The following KIAA0586 variants were observed in gnomAD, a reference collection of about 807,000 sequenced individuals.
The protein encoded by KIAA0586 is KIAA0586.
Under a neutral mutation model 169.8 loss-of-function variants are expected in KIAA0586, and 144 were observed. The observed-to-expected ratio is 0.85, with a 90% confidence interval of 0.74 to 0.97. The LOEUF (loss-of-function observed/expected upper bound fraction) is 0.97. Ranked by LOEUF, KIAA0586 falls within the 50% of genes least tolerant of loss-of-function variation. The probability of loss-of-function intolerance (pLI) is 0.00; values close to 1 mark genes in which losing one functional copy is unlikely to be tolerated. For missense variants in KIAA0586, 1,854 were observed against 1,823.0 expected (o/e 1.02, Z -0.31); for synonymous variants, 625 against 612.4 (o/e 1.02, Z -0.30).
intron 14 of KIAA0586, chr14:58,464,186 T>C (rs895806873): frequency 8.7e-6 from 3 of 345,512 alleles, no homozygotes; most frequent in Non-Finnish European, 1.7e-5. Context: ...ATAATTTATA[T>C]AATGGAATCT....
At position 58,461,055 on chromosome 14, in the gene KIAA0586, T is replaced by C; in HGVS notation, c.1954T>C (p.Tyr652His). 6.2e-7 allele frequency: 1 copy of C among 1,612,774 alleles called. No homozygotes were observed. Among genetic ancestry groups the C allele is most frequent in the Non-Finnish European group, 8.5e-7 (1 of 1,179,364 alleles). The part of the protein sequence containing the change: ...YMLQVYGKPV[Y>H]QGHRSTLKKG... ...GTTACAAGTCTATGGAAAGCCAGTTTATCAGGGCCATCGAAGCACTCTTAA... is the reference window on the plus strand; with the variant it reads ...GTTACAAGTCTATGGAAAGCCAGTTCATCAGGGCCATCGAAGCACTCTTAA... Residue 652 changes from tyrosine (Y) to histidine (H), a missense_variant, in exon 14 of 31, where the codon TAT becomes CAT. Physicochemically the swap from Tyr to His is moderately conservative, Grantham distance 83. Coordinates refer to ENST00000652326, the MANE Select transcript of KIAA0586 (RefSeq NM_001329943.3).
rs1230940160 is a variant in KIAA0586, at chr14:58,492,154, C to G, written c.3869C>G (p.Pro1290Arg). Residue 1290 changes from proline to arginine, a missense_variant, in exon 26 of 31, where the codon CCT (proline) becomes CGT (arginine). Transcript: ENST00000652326. Reference sequence around the variant, plus strand: ...TTATGTTTCTTTTAGGAGGATGATCCTCCTAGTGAAGGGCAAGTGATTAGG... The same window carrying G: ...TTATGTTTCTTTTAGGAGGATGATCGTCCTAGTGAAGGGCAAGTGATTAGG... ...LHDAVEMEDD[P>R]PSEGQVIRMS... is the part of the protein sequence containing the mutation. 1 of 1,525,892 alleles carries G rather than the reference C, an allele frequency of 6.6e-7. No homozygotes were observed. The highest frequency in any genetic ancestry group is 8.8e-7 in the Non-Finnish European group (1 of 1,137,054). 94.5% of individuals were successfully genotyped at this position (1,525,892 alleles called of 1,614,324 possible).
At chr14:58,498,512 T>C (rs901640553) in intron 26 of KIAA0586, among the ~76,000 whole-genome samples, 8 of 152,168 alleles carry the variant, frequency 5.3e-5, no homozygotes, top group Non-Finnish European at 7.4e-5. Flanking sequence ...ATTTTTCTTA[T>C]GTATTTTATT....
At chr14:58,468,033 A>T in intron 16 of KIAA0586, 111 bp downstream of exon 16, 6 of 638,662 alleles carry the variant, frequency 9.4e-6, no homozygotes, top group Non-Finnish European at 1.3e-5. Flanking sequence ...TTTGATCATG[A>T]CTCTTTTTTT....
At chr14:58,553,141 A>G (rs927999796), downstream of KIAA0586, among the ~76,000 whole-genome samples, 1 of 152,240 alleles carries the variant, frequency 6.6e-6, no homozygotes, top group Non-Finnish European at 1.5e-5. Flanking sequence ...TTCTCTCCAG[A>G]TAAAATATCG....
chr14:58,544,256 A>G (rs917034966), intron 30 of KIAA0586, among the ~76,000 whole-genome samples: 10 of 151,908 alleles, frequency 6.6e-5, no homozygotes, highest in Non-Finnish European at 1.3e-4. Context: ...CAGTTTCTTT[A>G]TCCAATTTGT....
chr14:58,518,668 C>T (rs2044951084), intron 29 of KIAA0586, among the ~76,000 whole-genome samples: 1 of 152,208 alleles, frequency 6.6e-6, no homozygotes, highest in Non-Finnish European at 1.5e-5. Flanking sequence ...TTCTTTCCAC[C>T]CAGAGTTACC....
Position 58,451,427 on chromosome 14 carries a change from A to T in KIAA0586, c.1129+681A>T, listed in dbSNP as rs375905346. Among the ~76,000 whole-genome samples the T allele has an allele frequency of 2.6e-5, 4 of 151,578 alleles. 1 individual carries two copies. On this transcript the variant is annotated intron_variant, in intron 8 of 30. Transcript: ENST00000652326. ...TTTTTCATAGAGATGGGGTTTCACT[A>T]TGTTTCCCAGGCTGGTCACAAACTC...
intron 20 of KIAA0586, among the ~76,000 whole-genome samples, chr14:58,479,757 G>A (rs1272706275): frequency 6.6e-6 from 1 of 152,094 alleles, no homozygotes; most frequent in East Asian, 1.9e-4. Flanking sequence ...TGGATATCCA[G>A]CTGTTCTAAT....
chr14:58,468,036 C>CT (rs2040908271), intron 16 of KIAA0586, 114 bp downstream of exon 16: 33 of 631,650 alleles, frequency 5.2e-5, no homozygotes, highest in Admixed American at 1.0e-4. Context: ...GATCATGACT[C>CT]TTTTTTTTAA....
intron 8 of KIAA0586, among the ~76,000 whole-genome samples, chr14:58,452,282 A>T (rs2140739852): frequency 6.6e-6 from 1 of 152,214 alleles, no homozygotes; most frequent in African/African-American, 2.4e-5. Flanking sequence ...CTATGGAAAT[A>T]AAAAAAATTA....
In KIAA0586 at chr14:58,487,887, G is replaced by A. The variant is rs748016526; in HGVS notation, c.3305G>A (p.Gly1102Glu). Residue 1102 changes from glycine (G) to glutamate (E), a missense_variant and splice_region_variant, in exon 23 of 31, where the codon GGA becomes GAA. Coordinates refer to ENST00000652326, the MANE Select transcript of KIAA0586 (RefSeq NM_001329943.3). Reference protein sequence around the residue: ...FPVKEICAEKGDDMPAIMLVN... With the variant: ...FPVKEICAEKEDDMPAIMLVN... The stretch of plus-strand genomic sequence containing the variant: ...TGTCCTTTTAAAAAAAAACCTTTAG[G>A]AGATGATATGCCTGCCATCATGCTT... 2 of 1,608,968 alleles carry A rather than the reference G, an allele frequency of 1.2e-6. No individual in the cohort carries two copies. Among genetic ancestry groups the A allele is most frequent in the South Asian group, 1.1e-5 (1 of 90,282 alleles).
chr14:58,551,893 G>A (rs148668477), downstream of KIAA0586, among the ~76,000 whole-genome samples: 53 of 152,194 alleles, frequency 3.5e-4, 1 homozygote, highest in African/African-American at 1.2e-3. Flanking sequence ...ATATTTCTGC[G>A]ATGTTACTAA....
At chr14:58,556,768 G>A in the KIAA0586 span, among the ~76,000 whole-genome samples, 2 of 152,062 alleles carry the variant, frequency 1.3e-5, no homozygotes, top group East Asian at 1.9e-4. Flanking sequence ...TTTTTGAGAC[G>A]GAGTTTGGCT....
intron 29 of KIAA0586, among the ~76,000 whole-genome samples, chr14:58,515,679 TAGGG>T (rs555853991): frequency 9.8e-4 from 149 of 152,258 alleles, no homozygotes; most frequent in South Asian, 3.7e-3. Context: ...GTATCTCTGA[TAGGG>T]AGGGGTTGGG....
chr14:58,485,380 A>G (rs1287922603), intron 21 of KIAA0586, among the ~76,000 whole-genome samples: 1 of 152,174 alleles, frequency 6.6e-6, no homozygotes, highest in Non-Finnish European at 1.5e-5. Context: ...CAGATCGGCA[A>G]AACTCTAAAA....
In KIAA0586 at chr14:58,550,926, C is replaced by T. The variant is rs558548597; in HGVS notation, c.*2994C>T. Reference sequence around the variant, plus strand: ...CTTTCTGCTGGGTGCGGGTGGCTCACACCTGTAATCCCAGCACTTTGGGAG... The same window carrying T: ...CTTTCTGCTGGGTGCGGGTGGCTCATACCTGTAATCCCAGCACTTTGGGAG... On this transcript the variant is annotated 3_prime_UTR_variant, in exon 31 of 31. Coordinates refer to ENST00000652326, the MANE Select transcript of KIAA0586 (RefSeq NM_001329943.3). 2.0e-5 allele frequency: 3 copies of T among 152,110 alleles called. No homozygotes were observed. The South Asian group carries it at 6.2e-4, about 32-fold the overall frequency. The allele number at this position is 152,110 out of a possible 1,614,324, so 9.4% of individuals were successfully genotyped here. A position where few individuals can be genotyped will look rare whatever the true frequency, so the allele number is the denominator to read the frequency against.
chr14:58,457,797 TCCACAGA>T lies in KIAA0586; in HGVS notation c.1402_1408del (p.Pro468IlefsTer15). ...TGAGTATGTTGAAGCTTCCAGATCT[TCCACAGA>T]ATTCTGTTAAGCTTCAAACAACCAA... is the stretch of plus-strand genomic sequence containing the variant. On this transcript the variant is annotated frameshift_variant, in exon 11 of 31. Coordinates refer to ENST00000652326, the MANE Select transcript of KIAA0586 (RefSeq NM_001329943.3). LOFTEE classifies it high-confidence loss of function. The T allele has an allele frequency of 1.2e-6, 2 of 1,606,110 alleles. No individual in the cohort carries two copies. Among genetic ancestry groups the T allele is most frequent in the Non-Finnish European group, 1.7e-6 (2 of 1,176,142 alleles).
chr14:58,547,706 T>A, intron 30 of KIAA0586, 75 bp from the exon 31 acceptor site: 80 of 854,128 alleles, frequency 9.4e-5, no homozygotes, highest in Non-Finnish European at 1.2e-4. Context: ...CAACCTCATA[T>A]TATTTCGCAA....
Sources: allele counts gnomAD v4.1 joint callset (sites outside exome capture counted in the v4.1 genomes callset), GRCh38; gene constraint gnomAD v4.1.1; transcripts MANE v1.5; gene names NCBI Gene and HGNC (gene_info 2026-07-23, HGNC 2026-07-21).